BPTF: variants seen among roughly 807,000 people sequenced by gnomAD.
BPTF encodes the protein nucleosome-remodeling factor subunit BPTF.
Under a neutral mutation model 292.5 loss-of-function variants are expected in BPTF, and 18 were observed. The observed-to-expected ratio is 0.06, with a 90% confidence interval of 0.04 to 0.09. BPTF has a LOEUF of 0.09. Among genes scored for constraint, BPTF ranks in the 10% least tolerant of loss-of-function variants. The pLI, the probability that BPTF is intolerant of heterozygous loss-of-function variation, is 1.00. For missense variants in BPTF, 2,726 were observed against 3,498.7 expected, an observed-to-expected ratio of 0.78 and a Z score of 5.57; for synonymous variants, 1,225 against 1,251.9, an observed-to-expected ratio of 0.98 and a Z score of 0.45.
At chr17:67,981,412 T>C (rs1555696586) in intron 27 of BPTF, 2 of 1,040,572 alleles carry the variant, frequency 1.9e-6, no homozygotes, top group Admixed American at 5.9e-5. Context: ...ATTTATACCA[T>C]CCATATTCTT....
intron 7 of BPTF, among the ~76,000 whole-genome samples, chr17:67,894,678 G>C (rs1335432129): frequency 6.6e-6 from 1 of 152,160 alleles, no homozygotes; most frequent in Non-Finnish European, 1.5e-5. Context: ...GATCAAAAGA[G>C]ATCTGGTATA....
At chr17:67,981,084 T>C (rs1317572363) in intron 27 of BPTF, among the ~76,000 whole-genome samples, 1 of 152,060 alleles carries the variant, frequency 6.6e-6, no homozygotes, top group African/African-American at 2.4e-5. Flanking sequence ...ACCTGAGCCC[T>C]GGAGGTTGAG....
At chr17:67,836,950 G>C (rs2057178499) in intron 1 of BPTF, among the ~76,000 whole-genome samples, 1 of 152,164 alleles carries the variant, frequency 6.6e-6, no homozygotes, top group Non-Finnish European at 1.5e-5. Flanking sequence ...CTGATCCTCT[G>C]TAAACTTGGA....
chr17:67,836,773 TTCTTAAAG>T (rs1213674603), intron 1 of BPTF, among the ~76,000 whole-genome samples: 1 of 152,248 alleles, frequency 6.6e-6, no homozygotes, highest in African/African-American at 2.4e-5. Context: ...TTTCACACAC[TTCTTAAAG>T]TCTTATTCAG....
At chr17:67,937,144 C>A (rs1010169542) in intron 18 of BPTF, among the ~76,000 whole-genome samples, 1 of 152,028 alleles carries the variant, frequency 6.6e-6, no homozygotes, top group Non-Finnish European at 1.5e-5. Flanking sequence ...GAATTTTACA[C>A]ATATATCATG....
At chr17:67,832,705 A>G (rs1247512062) in intron 1 of BPTF, among the ~76,000 whole-genome samples, 2 of 151,604 alleles carry the variant, frequency 1.3e-5, no homozygotes, top group Non-Finnish European at 2.9e-5. Context: ...CACCGTCAGC[A>G]TCACTCCCTG....
chr17:67,902,676 A>T (rs1208860210), intron 7 of BPTF, among the ~76,000 whole-genome samples: 1 of 152,138 alleles, frequency 6.6e-6, no homozygotes, highest in African/African-American at 2.4e-5. Context: ...AGGGACACAA[A>T]GCCGTCGTAA....
At chr17:67,835,776 T>C (rs567662203) in intron 1 of BPTF, among the ~76,000 whole-genome samples, 128 of 152,010 alleles carry the variant, frequency 8.4e-4, no homozygotes, top group Non-Finnish European at 1.6e-3. Context: ...CGCCATTCTC[T>C]TGCCTCAGCC....
intron 2 of BPTF, among the ~76,000 whole-genome samples, chr17:67,866,008 C>T (rs902492399): frequency 6.6e-6 from 1 of 152,084 alleles, no homozygotes; most frequent in Admixed American, 6.6e-5. Context: ...TAAGTCCTAA[C>T]TACTTGGGAG....
At position 67,948,282 on chromosome 17, in the gene BPTF, C is replaced by T. The variant is rs2065959813; in HGVS notation, c.7902C>T (p.Asp2634=). Residue 2634 remains aspartate, a synonymous_variant, in exon 23 of 28, where the codon GAC becomes GAT. Transcript: ENST00000306378. ...TCCTGAAGAAGAGAGCACTCCTGGA[C>T]AAGGATCTGCAAATTGAAGTGCAGG... ...AEILKKRALL[D]KDLQIEVQEE... 47 of 1,613,432 alleles carry T rather than the reference C, an allele frequency of 2.9e-5. No homozygotes were observed. Among genetic ancestry groups the T allele is most frequent in the Non-Finnish European group, 3.7e-5 (44 of 1,179,852 alleles).
At position 67,853,966 on chromosome 17, in the gene BPTF, C is replaced by T; in HGVS notation, c.640C>T (p.Pro214Ser). The part of the protein sequence containing the change: ...PGRRKPRVHR[P>S]RSPILEEKDI... ...TAGGCGAAAACCAAGAGTACATCGG[C>T]CTCGTTCTCCTATATTGGAAGAAAA... The change falls in exon 2 of 28, where the codon CCT (proline) becomes TCT (serine). Residue 214 changes from proline (P) to serine (S), a missense_variant. By Grantham distance (74) the Pro-to-Ser change is moderately conservative. This residue lies in a region of BPTF where 153 missense variants were observed against 178.3 expected (regional missense o/e 0.86). Coordinates refer to ENST00000306378, the MANE Select transcript of BPTF (RefSeq NM_182641.4). 6.2e-7 allele frequency: 1 copy of T among 1,612,816 alleles called. No individual in the cohort carries two copies. The highest frequency in any genetic ancestry group is 8.5e-7 in the Non-Finnish European group (1 of 1,178,904).
intron 11 of BPTF, among the ~76,000 whole-genome samples, chr17:67,915,252 A>C (rs114420488): frequency 0.015 from 2,345 of 152,126 alleles, 58 homozygotes; most frequent in African/African-American, 0.049. Context: ...TCTGTGCTTC[A>C]TTTTCACATT....
In BPTF at chr17:67,866,813, GAT is replaced by G. The variant is rs1438051591; in HGVS notation, c.1660+128_1660+129del. 4 of 678,114 alleles carry G rather than the reference GAT, an allele frequency of 5.9e-6. No homozygotes were observed. In the African/African-American group the frequency reaches 7.3e-5, roughly 12 times the overall value. 42.0% of individuals were successfully genotyped at this position (678,114 alleles called of 1,614,324 possible). ...CAGTCGTGCATTGCTTAATGATGGG[GAT>G]ACATTCTGAAAAATGTGTCATTTGA... is the stretch of plus-strand genomic sequence containing the variant. On this transcript the variant is annotated intron_variant, in intron 3 of 27. Transcript: ENST00000306378.
intron 13 of BPTF, 62 bp from the exon 14 acceptor site, chr17:67,922,778 G>T (rs977502207): frequency 1.3e-6 from 2 of 1,527,488 alleles, no homozygotes; most frequent in Admixed American, 4.5e-5. Context: ...GATAGAAGAT[G>T]CCAGAAGTAC....
At chr17:67,902,642 T>G (rs962229296) in intron 7 of BPTF, among the ~76,000 whole-genome samples, 8 of 152,250 alleles carry the variant, frequency 5.3e-5, no homozygotes, top group Admixed American at 2.6e-4. Flanking sequence ...TGGGGGAGAC[T>G]GTATTCTGGG....
At chr17:67,896,124 A>G (rs1335635971) in intron 7 of BPTF, among the ~76,000 whole-genome samples, 3 of 151,962 alleles carry the variant, frequency 2.0e-5, no homozygotes, top group Non-Finnish European at 4.4e-5. Context: ...CACTATGCCC[A>G]GCTAATTTTT....
At chr17:67,898,119 C>G (rs974033761) in intron 7 of BPTF, among the ~76,000 whole-genome samples, 25 of 152,188 alleles carry the variant, frequency 1.6e-4, no homozygotes, top group Admixed American at 5.9e-4. Flanking sequence ...CTTGTAATCC[C>G]AGCACTTTGG....
chr17:67,959,027 C>T (rs1315259121), intron 23 of BPTF, among the ~76,000 whole-genome samples: 1 of 152,226 alleles, frequency 6.6e-6, no homozygotes, highest in African/African-American at 2.4e-5. Context: ...ACTCTCCCTG[C>T]AGTCTGAAAT....
At chr17:67,942,927 T>A (rs1293376633) in intron 19 of BPTF, among the ~76,000 whole-genome samples, 4 of 152,196 alleles carry the variant, frequency 2.6e-5, no homozygotes, top group African/African-American at 9.6e-5. Flanking sequence ...CTAAGCTATT[T>A]TGTGTAGGGA....
Sources: allele counts gnomAD v4.1 joint callset (sites outside exome capture counted in the v4.1 genomes callset), GRCh38; gene constraint gnomAD v4.1.1; regional missense constraint gnomAD v4.1.1; transcripts MANE v1.5; gene names NCBI Gene and HGNC (gene_info 2026-07-23, HGNC 2026-07-21).